KANSL1: variants seen among roughly 807,000 people sequenced by gnomAD.
KANSL1 encodes the protein MLL1/MLL complex subunit KANSL1.
In KANSL1, 22 loss-of-function variants were observed where a neutral mutation model predicts 103.6. The observed-to-expected ratio is 0.21, with a 90% CI of 0.15 to 0.30. KANSL1 has a LOEUF of 0.30. KANSL1 is among the 10% of genes least tolerant of loss of function. The pLI, the probability that KANSL1 is intolerant of heterozygous loss-of-function variation, is 1.00. For synonymous variants in KANSL1, 600 were observed against 527.6 expected, an observed-to-expected ratio of 1.14 and a Z score of -1.88; for missense variants, 1,337 against 1,399.8, an observed-to-expected ratio of 0.96 and a Z score of 0.72.
chr17:46,152,583 G>GC (rs1491219798), intron 2 of KANSL1, among the ~76,000 whole-genome samples: 1 of 85,828 alleles, frequency 1.2e-5, no homozygotes, highest in African/African-American at 1.0e-4. Context: ...TAGACACAAA[G>GC]GGGGGGGGGG....
chr17:46,060,983 T>G (rs1412215894), intron 6 of KANSL1, among the ~76,000 whole-genome samples: 1 of 151,730 alleles, frequency 6.6e-6, no homozygotes, highest in Non-Finnish European at 1.5e-5. Flanking sequence ...TGCCAATTTG[T>G]TAGGAAATTG....
At chr17:46,039,469 G>A (rs893273688) in intron 8 of KANSL1, 3 of 608,168 alleles carry the variant, frequency 4.9e-6, no homozygotes, top group African/African-American at 3.7e-5. Flanking sequence ...GCCATTGCTG[G>A]CTGTTCACTG....
At chr17:46,204,019 G>A (rs1194831642) in intron 1 of KANSL1, among the ~76,000 whole-genome samples, 2 of 152,056 alleles carry the variant, frequency 1.3e-5, no homozygotes, top group Non-Finnish European at 2.9e-5. Context: ...ACGGGTAGGG[G>A]AGCAGGGGAA....
rs1419383331 is a variant in KANSL1 at position 46,143,487 on chromosome 17, T to C, written c.1289+27368A>G. On this transcript the variant is annotated intron_variant, in intron 2 of 14. Transcript: ENST00000432791. ...CCAGCCTGGGCAACAAGAGCAAAAC[T>C]TCGTCTCAAAAAATAAATAAATAAA... Among the ~76,000 whole-genome samples the C allele has an allele frequency of 6.9e-5, 10 of 145,050 alleles. No homozygotes were observed. The East Asian group carries it at 2.1e-3, about 30-fold the overall frequency.
intron 9 of KANSL1, 140 bp from the exon 10 acceptor site, chr17:46,038,826 T>A: frequency 8.1e-7 from 1 of 1,238,448 alleles, no homozygotes; most frequent in Non-Finnish European, 1.1e-6. Flanking sequence ...TGAAGCACAC[T>A]AGCTGTGGGA....
At chr17:46,202,880 C>A (rs2047848608) in intron 1 of KANSL1, among the ~76,000 whole-genome samples, 1 of 152,182 alleles carries the variant, frequency 6.6e-6, no homozygotes, top group African/African-American at 2.4e-5. Context: ...CCAACTTTAA[C>A]CAGCATCAGA....
chr17:46,086,260 A>G (rs2079159543), intron 3 of KANSL1, among the ~76,000 whole-genome samples: 1 of 152,230 alleles, frequency 6.6e-6, no homozygotes. Context: ...CAGATAGATT[A>G]TGAAGACATC....
At position 46,121,764 on chromosome 17, in the gene KANSL1, A is replaced by G. The variant is rs548098139; in HGVS notation, c.1290-27063T>C. The stretch of plus-strand genomic sequence containing the variant: ...GTTGAATGAATAAACTATGGTGTAC[A>G]GATTCTCCTCAACTTACAATGGGGG... On this transcript the variant is annotated intron_variant, in intron 2 of 14. Transcript: ENST00000432791. Among the ~76,000 whole-genome samples, 22 of 152,342 alleles carry G rather than the reference A, an allele frequency of 1.4e-4. 1 individual carries two copies. The East Asian group carries it at 2.9e-3, about 20-fold the overall frequency.
intron 1 of KANSL1, among the ~76,000 whole-genome samples, chr17:46,178,035 C>T (rs1567772663): frequency 1.3e-5 from 2 of 152,136 alleles, no homozygotes; most frequent in Admixed American, 6.5e-5. Flanking sequence ...CCTTGGCCTC[C>T]CAAAGTGCTG....
intron 4 of KANSL1, among the ~76,000 whole-genome samples, chr17:46,069,708 C>A (rs537424544): frequency 5.9e-5 from 9 of 152,026 alleles, no homozygotes; most frequent in African/African-American, 2.2e-4. Context: ...CACGCCACTG[C>A]ACTGCAGCCT....
chr17:46,213,161 G>A (rs2048216059), intron 1 of KANSL1, among the ~76,000 whole-genome samples: 1 of 152,226 alleles, frequency 6.6e-6, no homozygotes, highest in Non-Finnish European at 1.5e-5. Flanking sequence ...ACGCTTGCCT[G>A]TCTTCTGGGC....
chr17:46,052,298 T>C (rs186811064), intron 6 of KANSL1, among the ~76,000 whole-genome samples: 23 of 152,350 alleles, frequency 1.5e-4, no homozygotes, highest in African/African-American at 2.2e-4. Context: ...TAGCTCTCCA[T>C]ATGGGACATT....
chr17:46,140,672 C>CA (rs1464633589), intron 2 of KANSL1, among the ~76,000 whole-genome samples: 1 of 152,056 alleles, frequency 6.6e-6, no homozygotes, highest in Non-Finnish European at 1.5e-5. Flanking sequence ...AGAATATATA[C>CA]AAAAAACACA....
chr17:46,084,697 TAAAAAAA>T lies in KANSL1; in HGVS notation c.1432-2162_1432-2156del, dbSNP rs67108405. Among the ~76,000 whole-genome samples, 435 of 74,536 alleles carry T rather than the reference TAAAAAAA, an allele frequency of 5.8e-3. 3 individuals are homozygous for T. Among genetic ancestry groups the T allele is most frequent in the African/African-American group, 0.021 (370 of 17,740 alleles). The allele number at this position is 74,536 out of a possible 152,430, so 48.9% of individuals were successfully genotyped here. A position where few individuals can be genotyped will look rare whatever the true frequency, so the allele number is the denominator to read the frequency against. ...AACTCCACCTCAAAATTTTAAAAAT[TAAAAAAA>T]AAAAAAAAAAAAAAAAAAAAGAATT... On this transcript the variant is annotated intron_variant, in intron 3 of 14. Coordinates refer to ENST00000432791, the MANE Select transcript of KANSL1 (RefSeq NM_015443.4).
At chr17:46,116,400 C>T (rs1275988238) in intron 2 of KANSL1, among the ~76,000 whole-genome samples, 2 of 152,058 alleles carry the variant, frequency 1.3e-5, no homozygotes, top group South Asian at 2.1e-4. Flanking sequence ...CGTGGTGGTG[C>T]GTGCCTGTAC....
At chr17:46,212,590 T>C (rs537495995) in intron 1 of KANSL1, among the ~76,000 whole-genome samples, 1 of 152,344 alleles carries the variant, frequency 6.6e-6, no homozygotes, top group African/African-American at 2.4e-5. Flanking sequence ...TTTATTTTCC[T>C]ATAAATCTTG....
At chr17:46,125,061 GGGAGGGA>G (rs2043474007) in intron 2 of KANSL1, among the ~76,000 whole-genome samples, 2 of 54,748 alleles carry the variant, frequency 3.7e-5, no homozygotes, top group Admixed American at 1.6e-4. Flanking sequence ...GGAGGGAGGA[GGGAGGGA>G]GGAGGGAGGG....
intron 1 of KANSL1, among the ~76,000 whole-genome samples, chr17:46,204,080 G>A (rs2047889341): frequency 1.3e-5 from 2 of 152,180 alleles, no homozygotes; most frequent in Admixed American, 1.3e-4. Flanking sequence ...TACTTGGGAG[G>A]CTGAGACAGG....
intron 3 of KANSL1, among the ~76,000 whole-genome samples, chr17:46,089,060 G>C (rs1304178557): frequency 6.6e-6 from 1 of 152,206 alleles, no homozygotes; most frequent in Non-Finnish European, 1.5e-5. Context: ...CCTTTTACAA[G>C]CCTCTGAAGA....
Sources: allele counts gnomAD v4.1 joint callset (sites outside exome capture counted in the v4.1 genomes callset), GRCh38; gene constraint gnomAD v4.1.1; transcripts MANE v1.5; gene names NCBI Gene and HGNC (gene_info 2026-07-23, HGNC 2026-07-21).